CPD: variants seen among roughly 807,000 people sequenced by gnomAD.
CPD encodes the protein carboxypeptidase D.
CPD carries 69 observed loss-of-function variants against 138.3 expected under a neutral mutation model. The ratio of observed to expected loss-of-function variants is 0.50; its 90% CI spans 0.41 to 0.61. CPD has a LOEUF of 0.61. CPD is among the 20% of genes least tolerant of loss of function. The pLI, the probability that CPD is intolerant of heterozygous loss-of-function variation, is 0.00. For synonymous variants in CPD, 651 were observed against 642.1 expected (o/e 1.01, Z -0.21); for missense variants, 1,432 against 1,733.3 (o/e 0.83, Z 3.09).
At chr17:30,409,395 C>G (rs1301634372) in intron 2 of CPD, among the ~76,000 whole-genome samples, 1 of 152,152 alleles carries the variant, frequency 6.6e-6, no homozygotes, top group Non-Finnish European at 1.5e-5. Context: ...GGAGGATTCC[C>G]TCCTTTTCTA....
intron 17 of CPD, among the ~76,000 whole-genome samples, chr17:30,458,121 G>A (rs1445358650): frequency 1.3e-5 from 2 of 151,968 alleles, no homozygotes; most frequent in African/African-American, 4.8e-5. Context: ...TTGAACTTGG[G>A]AAGCAGAGGT....
At chr17:30,414,238 A>G (rs1168512511) in intron 2 of CPD, among the ~76,000 whole-genome samples, 1 of 152,178 alleles carries the variant, frequency 6.6e-6, no homozygotes, top group Non-Finnish European at 1.5e-5. Flanking sequence ...CTGTTGAGTA[A>G]AGAATATAAA....
chr17:30,381,135 C>G (rs1165828485), intron 1 of CPD, among the ~76,000 whole-genome samples: 1 of 152,148 alleles, frequency 6.6e-6, no homozygotes, highest in African/African-American at 2.4e-5. Flanking sequence ...TTCACATAGA[C>G]TTTCTGGGAG....
intron 20 of CPD, 24 bp from the exon 21 acceptor site, chr17:30,464,564 C>T (rs772462549): frequency 6.3e-7 from 1 of 1,590,908 alleles, no homozygotes; most frequent in Admixed American, 1.7e-5. Flanking sequence ...TAATATCACC[C>T]ACATGATGGT....
chr17:30,431,021 A>AG (rs1386913029), intron 7 of CPD, among the ~76,000 whole-genome samples: 1 of 152,144 alleles, frequency 6.6e-6, no homozygotes, highest in Non-Finnish European at 1.5e-5. Context: ...TTCCATGTTA[A>AG]GCTTTTTGAG....
At chr17:30,456,860 A>C (rs1455766091) in intron 17 of CPD, 1 of 211,164 alleles carries the variant, frequency 4.7e-6, no homozygotes, top group Non-Finnish European at 9.6e-6. Context: ...AAAAAAAAAA[A>C]AAAAAAAAAG....
chr17:30,467,842 G>T lies in CPD; in HGVS notation c.*3028G>T, dbSNP rs1913684639. The T allele has an allele frequency of 6.6e-6, 1 of 152,068 alleles. No homozygotes were observed. Among genetic ancestry groups the T allele is most frequent in the Non-Finnish European group, 1.5e-5 (1 of 67,980 alleles). 9.4% of individuals were successfully genotyped at this position (152,068 alleles called of 1,614,324 possible). ...AGGTATTGTCCCTGCTGTATGAAAA[G>T]CTTCTTGGCAATGAATTCTGTAATA... is the stretch of plus-strand genomic sequence containing the variant. On this transcript the variant is annotated 3_prime_UTR_variant, in exon 21 of 21. Transcript: ENST00000225719.
rs149972965 is a variant in CPD at position 30,460,526 on chromosome 17, T to C, written c.3499-654T>C. ...AAAGGATGACATTTTAGATATTCTA[T>C]AGAGGTAGAATTGACAAGATTCAGC... On this transcript the variant is annotated intron_variant, in intron 17 of 20. Transcript: ENST00000225719. Among the ~76,000 whole-genome samples, 382 of 152,278 alleles carry C rather than the reference T, an allele frequency of 2.5e-3. 1 individual carries two copies. Among genetic ancestry groups the C allele is most frequent in the African/African-American group, 8.8e-3 (365 of 41,558 alleles).
At chr17:30,400,335 C>T (rs1420049685) in intron 2 of CPD, among the ~76,000 whole-genome samples, 1 of 152,076 alleles carries the variant, frequency 6.6e-6, no homozygotes, top group African/African-American at 2.4e-5. Context: ...ACGAACCTAC[C>T]CACCATACCC....
intron 2 of CPD, among the ~76,000 whole-genome samples, chr17:30,395,217 T>TTA (rs1029054853): frequency 4.0e-5 from 6 of 150,596 alleles, no homozygotes; most frequent in Non-Finnish European, 7.4e-5. Flanking sequence ...TTTTTTTTTT[T>TTA]ACCTCTAAAG....
intron 2 of CPD, among the ~76,000 whole-genome samples, chr17:30,391,855 C>T (rs919043486): frequency 6.6e-6 from 1 of 152,126 alleles, no homozygotes; most frequent in East Asian, 1.9e-4. Flanking sequence ...TTTAAACTTA[C>T]TCTTGAAGAT....
chr17:30,445,809 A>G lies in CPD; in HGVS notation c.2662A>G (p.Ser888Gly), dbSNP rs748781998. The G allele has an allele frequency of 3.7e-6, 6 of 1,614,124 alleles. No individual in the cohort carries two copies. The South Asian group carries it at 5.5e-5, about 15-fold the overall frequency. The change falls in exon 12 of 21, where the codon AGC becomes GGC. Residue 888 changes from serine (S) to glycine (G), a missense_variant. Around this residue, in one of 6 missense-constraint regions of CPD, gnomAD observed 124 missense variants for 117.0 expected, o/e 1.06. Coordinates refer to ENST00000225719, the MANE Select transcript of CPD (RefSeq NM_001304.5). ...NNESKKGKGA[S>G]SSTNDASDPT... ...TGAATCAAAGAAAGGAAAAGGGGCT[A>G]GCAGCAGCACCAATGATGCCAGTGA...
At position 30,466,285 on chromosome 17, in the gene CPD, T is replaced by C. The variant is rs1416895944; in HGVS notation, c.*1471T>C. 4.6e-5 allele frequency: 7 copies of C among 152,640 alleles called. No homozygotes were observed. Among genetic ancestry groups the C allele is most frequent in the African/African-American group, 1.7e-4 (7 of 41,460 alleles). The allele number at this position is 152,640 out of a possible 1,614,324, so 9.5% of individuals were successfully genotyped here. On this transcript the variant is annotated 3_prime_UTR_variant, in exon 21 of 21. Coordinates refer to ENST00000225719, the MANE Select transcript of CPD (RefSeq NM_001304.5). The stretch of plus-strand genomic sequence containing the variant: ...TTGCTCTTATCTTCTCAAATTGTAT[T>C]CTATATCCATTAATGTATCAGTTAT...
chr17:30,465,304 T>C lies in CPD; in HGVS notation c.*490T>C, dbSNP rs952206441. 2 of 158,060 alleles carry C rather than the reference T, an allele frequency of 1.3e-5. No individual in the cohort carries two copies. The highest frequency in any genetic ancestry group is 4.8e-5 in the African/African-American group (2 of 41,474). The allele number at this position is 158,060 out of a possible 1,614,324, so 9.8% of individuals were successfully genotyped here. On this transcript the variant is annotated 3_prime_UTR_variant, in exon 21 of 21. Transcript: ENST00000225719. ...TCTAGTTGTTAAATAGCTGGAGTTTTTCTTATTCAGGTTTAATGGAGGTTG... is the reference window on the plus strand; with the variant it reads ...TCTAGTTGTTAAATAGCTGGAGTTTCTCTTATTCAGGTTTAATGGAGGTTG...
In CPD at chr17:30,394,408, A is replaced by G. The variant is rs146466153; in HGVS notation, c.994+9172A>G. ...TGTAACCTCTTCTGAAACCTCTCCT[A>G]TAATAACTGTCACTATCCTACCTTC... is the stretch of plus-strand genomic sequence containing the variant. On this transcript the variant is annotated intron_variant, in intron 2 of 20. Transcript: ENST00000225719. Among the ~76,000 whole-genome samples, 387 of 152,256 alleles carry G rather than the reference A, an allele frequency of 2.5e-3. 3 individuals are homozygous for G. Among genetic ancestry groups the G allele is most frequent in the African/African-American group, 9.0e-3 (376 of 41,550 alleles).
At chr17:30,423,060 C>G in intron 5 of CPD, 37 bp downstream of exon 5, 1 of 1,439,182 alleles carries the variant, frequency 6.9e-7, no homozygotes, top group Non-Finnish European at 9.6e-7. Context: ...TTCAGTAGTG[C>G]CCCTCAAAGC....
At chr17:30,391,640 A>G (rs2143322549) in intron 2 of CPD, among the ~76,000 whole-genome samples, 1 of 152,290 alleles carries the variant, frequency 6.6e-6, no homozygotes, top group East Asian at 1.9e-4. Flanking sequence ...GGTTGGAATC[A>G]CAACTCTGCC....
At chr17:30,392,488 T>A in intron 2 of CPD, among the ~76,000 whole-genome samples, 1 of 152,254 alleles carries the variant, frequency 6.6e-6, no homozygotes, top group East Asian at 1.9e-4. Context: ...TGTATGTACA[T>A]TTCATATATA....
chr17:30,426,253 G>A (rs549924740), intron 6 of CPD, among the ~76,000 whole-genome samples: 5 of 151,340 alleles, frequency 3.3e-5, no homozygotes, highest in Admixed American at 2.0e-4. Flanking sequence ...CCTGCCTGCT[G>A]CACAGGCAAA....
Sources: gnomAD v4.1 joint callset for allele counts (sites outside exome capture counted in the v4.1 genomes callset) on GRCh38, gnomAD v4.1.1 for gene constraint, gnomAD v4.1.1 regional missense constraint, MANE v1.5 for transcripts, NCBI Gene and HGNC (gene_info 2026-07-23, HGNC 2026-07-21) for gene names.